The following RRAGC variants were observed in gnomAD, a reference collection of about 807,000 sequenced individuals.
RRAGC encodes the protein Ras related GTP binding C, also known as ras-related GTP-binding protein C.
Under a neutral mutation model 37.1 loss-of-function variants are expected in RRAGC, and 8 were observed. The ratio of observed to expected loss-of-function variants is 0.22; its 90% CI spans 0.13 to 0.39. RRAGC has a LOEUF of 0.39. Ranked by LOEUF, RRAGC falls within the 10% of genes least tolerant of loss-of-function variation. RRAGC has a pLI of 1.00. For missense variants in RRAGC, 342 were observed against 497.6 expected (o/e 0.69, Z 2.98); for synonymous variants, 190 against 181.1 (o/e 1.05, Z -0.39).
chr1:38,851,254 A>G (rs1642097937), intron 5 of RRAGC, among the ~76,000 whole-genome samples: 1 of 147,130 alleles, frequency 6.8e-6, no homozygotes, highest in South Asian at 2.2e-4. Context: ...CAGGAACCAG[A>G]ACTTACTTTG....
At chr1:38,847,509 C>A (rs182683630) in intron 5 of RRAGC, 1 of 152,028 alleles carries the variant, frequency 6.6e-6, no homozygotes, top group African/African-American at 2.4e-5. Flanking sequence ...TAGTGGTTGA[C>A]TTGAGTAGTG....
At chr1:38,841,333 C>T (rs1195749938) in intron 6 of RRAGC, among the ~76,000 whole-genome samples, 1 of 151,764 alleles carries the variant, frequency 6.6e-6, no homozygotes, top group Non-Finnish European at 1.5e-5. Flanking sequence ...TGCTGCTCCA[C>T]CTTTGTATAC....
At chr1:38,842,140 C>T (rs1013719507) in intron 6 of RRAGC, among the ~76,000 whole-genome samples, 2 of 152,120 alleles carry the variant, frequency 1.3e-5, no homozygotes, top group African/African-American at 4.8e-5. Context: ...GGCGTGCAGG[C>T]GGGCGCCTGT....
intron 6 of RRAGC, among the ~76,000 whole-genome samples, chr1:38,845,646 G>C (rs1642019431): frequency 6.6e-6 from 1 of 152,118 alleles, no homozygotes; most frequent in Non-Finnish European, 1.5e-5. Context: ...TAAAAGTCTA[G>C]TTTCAGTAGA....
chr1:38,858,584 G>C (rs561962981), intron 1 of RRAGC, among the ~76,000 whole-genome samples: 79 of 152,208 alleles, frequency 5.2e-4, no homozygotes, highest in Non-Finnish European at 9.6e-4. Flanking sequence ...TGTAATCCCA[G>C]CTATTCGGGA....
intron 1 of RRAGC, among the ~76,000 whole-genome samples, chr1:38,857,542 G>T (rs1642182160): frequency 6.6e-6 from 1 of 152,216 alleles, no homozygotes; most frequent in Admixed American, 6.5e-5. Flanking sequence ...CACTGACTTT[G>T]CAGTCTAAGA....
Position 38,858,148 on chromosome 1 carries a change from G to A in RRAGC, c.238-1066C>T, listed in dbSNP as rs541262076. On this transcript the variant is annotated intron_variant, in intron 1 of 6. Coordinates refer to ENST00000373001, the MANE Select transcript of RRAGC (RefSeq NM_022157.4). ...CAACGTACCCAAGTTTTGCTGTAGA[G>A]GTGAAAATCAAGGTAAATAAAACAC... is the stretch of plus-strand genomic sequence containing the variant. 1.4e-4 allele frequency among the ~76,000 whole-genome samples: 22 copies of A among 152,240 alleles called. No homozygotes were observed. In the South Asian group the frequency reaches 4.6e-3, roughly 32 times the overall value.
intron 1 of RRAGC, 38 bp from the exon 2 acceptor site, chr1:38,857,120 CT>C: frequency 1.4e-6 from 2 of 1,444,228 alleles, no homozygotes; most frequent in Non-Finnish European, 1.9e-6. Flanking sequence ...GACTATTAAA[CT>C]TCAGAATTTA....
At chr1:38,847,938 G>C (rs1251376467) in intron 5 of RRAGC, 1 of 151,778 alleles carries the variant, frequency 6.6e-6, no homozygotes, top group East Asian at 1.9e-4. Flanking sequence ...GGCTACACAG[G>C]AGGCTGAAGG....
Position 38,859,501 on chromosome 1 carries a change from C to G in RRAGC, c.146G>C (p.Gly49Ala), listed in dbSNP as rs369358562. 13 of 1,547,494 alleles carry G rather than the reference C, an allele frequency of 8.4e-6. 1 individual carries two copies. In the East Asian group the frequency reaches 1.5e-4, roughly 17 times the overall value. Residue 49 changes from glycine to alanine, a missense_variant, in exon 1 of 7, where the codon GGC (glycine) becomes GCC (alanine). Gly to Ala is a moderately conservative substitution (Grantham distance 60). Around this residue, in one of 3 missense-constraint regions of RRAGC, gnomAD observed 104 missense variants for 93.4 expected, o/e 1.11. Coordinates refer to ENST00000373001, the MANE Select transcript of RRAGC (RefSeq NM_022157.4). ...AAGGGVGAGA[G>A]GGCGPGGADS... is the part of the protein sequence containing the mutation. Reference sequence around the variant, plus strand: ...AGCGCCCCCCGGACCACAGCCACCGCCTGCCCCTGCCCCAACCCCTCCGCC... The same window carrying G: ...AGCGCCCCCCGGACCACAGCCACCGGCTGCCCCTGCCCCAACCCCTCCGCC...
rs747536743 is a variant in RRAGC at position 38,859,449 on chromosome 1, G to A, written c.198C>T (p.Leu66=). The A allele has an allele frequency of 6.5e-6, 10 of 1,548,358 alleles. No individual in the cohort carries two copies. In the South Asian group the frequency reaches 9.5e-5, roughly 15 times the overall value. ...GADSSKPRIL[L]MGLRRSGKSS... is the part of the protein sequence containing the mutation. ...ACTTGCCGCTGCGCCGGAGTCCCAT[G>A]AGCAGAATCCTCGGCTTGGAGCTGT... The change falls in exon 1 of 7, where the codon CTC becomes CTT. Residue 66 remains leucine, a synonymous_variant. Coordinates refer to ENST00000373001, the MANE Select transcript of RRAGC (RefSeq NM_022157.4).
At chr1:38,859,305 G>C (rs1281719243) in intron 1 of RRAGC, 105 bp downstream of exon 1, 1 of 1,050,280 alleles carries the variant, frequency 9.5e-7, no homozygotes, top group Admixed American at 2.5e-5. Context: ...AAGTGCGGAG[G>C]GACGGAGCGC....
intron 4 of RRAGC, 117 bp from the exon 5 acceptor site, chr1:38,851,874 T>C (rs928884085): frequency 8.2e-6 from 7 of 849,458 alleles, no homozygotes; most frequent in South Asian, 1.8e-5. Flanking sequence ...TATAACCCAA[T>C]ACCAAAAAAC....
intron 1 of RRAGC, among the ~76,000 whole-genome samples, chr1:38,858,606 G>A (rs1642196189): frequency 1.3e-5 from 2 of 152,224 alleles, no homozygotes; most frequent in Non-Finnish European, 2.9e-5. Flanking sequence ...GCTGAGGCGG[G>A]AGAATTACTT....
At chr1:38,844,167 G>A (rs934463028) in intron 6 of RRAGC, among the ~76,000 whole-genome samples, 13 of 152,170 alleles carry the variant, frequency 8.5e-5, no homozygotes, top group African/African-American at 2.6e-4. Context: ...GGAGAAACTC[G>A]CGTAACTAGT....
rs1641916807 is a variant in RRAGC, at chr1:38,838,978, A to G, written c.*575T>C. 6.6e-6 allele frequency: 1 copy of G among 152,250 alleles called. No individual in the cohort carries two copies. Among genetic ancestry groups the G allele is most frequent in the Non-Finnish European group, 1.5e-5 (1 of 68,054 alleles). 9.4% of individuals were successfully genotyped at this position (152,250 alleles called of 1,614,324 possible). A position where few individuals can be genotyped will look rare whatever the true frequency, so the allele number is the denominator to read the frequency against. ...AGCCTTGCTCTCCACCTGATGCAGC[A>G]TAAAATTTTCTCTCATTTCTTCAAT... On this transcript the variant is annotated 3_prime_UTR_variant, in exon 7 of 7. Coordinates refer to ENST00000373001, the MANE Select transcript of RRAGC (RefSeq NM_022157.4).
intron 6 of RRAGC, among the ~76,000 whole-genome samples, chr1:38,841,181 C>T (rs1015345196): frequency 6.6e-6 from 1 of 152,074 alleles, no homozygotes; most frequent in Non-Finnish European, 1.5e-5. Context: ...GTTTTCTCTA[C>T]TTTTTTATAT....
At chr1:38,848,433 A>T (rs933380207) in intron 5 of RRAGC, among the ~76,000 whole-genome samples, 5 of 152,164 alleles carry the variant, frequency 3.3e-5, no homozygotes, top group African/African-American at 4.8e-5. Context: ...AAAACTATAA[A>T]GCTCCTAATG....
chr1:38,839,633 G>A lies in RRAGC; in HGVS notation c.1120C>T (p.His374Tyr), dbSNP rs139732615. 1 of 1,614,178 alleles carries A rather than the reference G, an allele frequency of 6.2e-7. No individual in the cohort carries two copies. Among genetic ancestry groups the A allele is most frequent in the Admixed American group, 1.7e-5 (1 of 60,028 alleles). Residue 374 changes from histidine (H) to tyrosine (Y), a missense_variant, in exon 7 of 7, where the codon CAC becomes TAC. By Grantham distance (83) the His-to-Tyr change is moderately conservative. Transcript: ENST00000373001. ...CTAGTCTGGTGACCACAGCTCCTGT[G>A]AGAAGTCACACCCACCTCAAAAACC... ...HEVFEVGVTS[H>Y]RSCGHQTSAS... is the part of the protein sequence containing the mutation.
Sources: gnomAD v4.1 joint callset for allele counts (sites outside exome capture counted in the v4.1 genomes callset) on GRCh38, gnomAD v4.1.1 for gene constraint, gnomAD v4.1.1 regional missense constraint, MANE v1.5 for transcripts, NCBI Gene and HGNC (gene_info 2026-07-23, HGNC 2026-07-21) for gene names.